Variants in SH3GL2 observed in about 807,000 individuals in gnomAD.
The protein encoded by SH3GL2 is endophilin-A1.
SH3GL2 carries 24 observed loss-of-function variants against 46.0 expected under a neutral mutation model. The observed-to-expected ratio is 0.52, with a 90% CI of 0.38 to 0.73. SH3GL2 has a LOEUF of 0.73. SH3GL2 is among the 30% of genes least tolerant of loss of function. The probability of loss-of-function intolerance (pLI) is 0.00; values close to 1 mark genes in which losing one functional copy is unlikely to be tolerated. For missense variants in SH3GL2, 413 were observed against 424.2 expected (o/e 0.97, Z 0.23); for synonymous variants, 196 against 147.1 (o/e 1.33, Z -2.40).
intron 1 of SH3GL2, among the ~76,000 whole-genome samples, chr9:17,661,870 C>G (rs966730312): frequency 1.2e-4 from 18 of 152,158 alleles, no homozygotes; most frequent in African/African-American, 4.3e-4. Context: ...GCCTCACTTT[C>G]ATTGAATGTA....
intron 1 of SH3GL2, among the ~76,000 whole-genome samples, chr9:17,665,526 C>T (rs1820321487): frequency 6.6e-6 from 1 of 151,992 alleles, no homozygotes; most frequent in Non-Finnish European, 1.5e-5. Context: ...TATTCATTAA[C>T]GTTTATTATG....
At chr9:17,667,846 C>G (rs969876274) in intron 1 of SH3GL2, among the ~76,000 whole-genome samples, 1 of 152,152 alleles carries the variant, frequency 6.6e-6, no homozygotes, top group African/African-American at 2.4e-5. Flanking sequence ...CTATAACCAT[C>G]TTATTGGGTG....
At chr9:17,716,148 C>G (rs954078115) in intron 1 of SH3GL2, among the ~76,000 whole-genome samples, 7 of 152,048 alleles carry the variant, frequency 4.6e-5, no homozygotes, top group African/African-American at 1.7e-4. Flanking sequence ...ATATCCTTGT[C>G]AAACAATTGT....
Position 17,762,122 on chromosome 9 carries a change from T to TAGCAA in SH3GL2, c.187+633_187+637dup, listed in dbSNP as rs375228746. Among the ~76,000 whole-genome samples the TAGCAA allele has an allele frequency of 2.4e-3, 368 of 152,226 alleles. 1 individual carries two copies. The South Asian group carries it at 0.029, about 12-fold the overall frequency. ...GGGCAGTTTCGGTAGGCACTAGGTA[T>TAGCAA]AGCAAAGCAAAGCAAAGCAAAGCAG... On this transcript the variant is annotated intron_variant, in intron 3 of 8. Coordinates refer to ENST00000380607, the MANE Select transcript of SH3GL2 (RefSeq NM_003026.5).
intron 6 of SH3GL2, chr9:17,790,465 G>T (rs558197678): frequency 2.1e-6 from 2 of 973,134 alleles, no homozygotes; most frequent in African/African-American, 3.5e-5. Flanking sequence ...CCTGGAGACA[G>T]TGTAGGTTTT....
intron 1 of SH3GL2, among the ~76,000 whole-genome samples, chr9:17,667,899 G>T (rs1408508716): frequency 6.6e-6 from 1 of 152,140 alleles, no homozygotes; most frequent in Non-Finnish European, 1.5e-5. Context: ...TTTCTCTTAA[G>T]ACTAAGGATG....
At chr9:17,672,423 C>G (rs1291856859) in intron 1 of SH3GL2, among the ~76,000 whole-genome samples, 1 of 152,092 alleles carries the variant, frequency 6.6e-6, no homozygotes, top group African/African-American at 2.4e-5. Flanking sequence ...TCATTAAGCT[C>G]AGGTTAGAGA....
intron 1 of SH3GL2, chr9:17,590,641 C>A (rs969940697): frequency 2.0e-5 from 3 of 152,172 alleles, no homozygotes. Context: ...TTATAGTGCT[C>A]ATCGTCCCTA....
chr9:17,652,033 A>G (rs574250539), intron 1 of SH3GL2, among the ~76,000 whole-genome samples: 3 of 152,116 alleles, frequency 2.0e-5, no homozygotes, highest in Non-Finnish European at 4.4e-5. Context: ...TGAGTGATGA[A>G]TTGATTGACT....
At chr9:17,755,886 C>T in intron 2 of SH3GL2, 1 of 422,526 alleles carries the variant, frequency 2.4e-6, no homozygotes, top group South Asian at 9.9e-5. Context: ...ATTTCCATGC[C>T]TTCTATTCTT....
chr9:17,703,673 C>A (rs368810138), intron 1 of SH3GL2, among the ~76,000 whole-genome samples: 2 of 151,982 alleles, frequency 1.3e-5, no homozygotes, highest in East Asian at 3.9e-4. Flanking sequence ...ATATGTGATT[C>A]GTCACATACA....
intron 3 of SH3GL2, among the ~76,000 whole-genome samples, chr9:17,775,773 A>G (rs1297053199): frequency 2.0e-5 from 3 of 152,170 alleles, no homozygotes; most frequent in Admixed American, 6.5e-5. Flanking sequence ...TGCTAAAGCC[A>G]TTAGGTTTCC....
At chr9:17,689,447 A>G (rs1821014217) in intron 1 of SH3GL2, among the ~76,000 whole-genome samples, 1 of 152,120 alleles carries the variant, frequency 6.6e-6, no homozygotes. Flanking sequence ...TGTAACAAAT[A>G]TGCCATATTA....
chr9:17,579,301 C>T lies in SH3GL2; in HGVS notation c.45+14C>T, dbSNP rs760269219. ...AAAGCCACTCAGGTAAGGCGCGCGG[C>T]AGGTGCGTCCCGGGGCAGTCCGGGG... is the stretch of plus-strand genomic sequence containing the variant. On this transcript the variant is annotated intron_variant, in intron 1 of 8. Transcript: ENST00000380607. 3 of 1,552,540 alleles carry T rather than the reference C, an allele frequency of 1.9e-6. No homozygotes were observed. In the African/African-American group the frequency reaches 4.3e-5, roughly 22 times the overall value.
At chr9:17,628,452 G>A (rs1325417781) in intron 1 of SH3GL2, among the ~76,000 whole-genome samples, 2 of 140,916 alleles carry the variant, frequency 1.4e-5, no homozygotes, top group Non-Finnish European at 3.1e-5. Context: ...GTGTGTGTGT[G>A]TATGTGCATG....
chr9:17,638,873 C>T (rs1224962662), intron 1 of SH3GL2, among the ~76,000 whole-genome samples: 1 of 152,170 alleles, frequency 6.6e-6, no homozygotes, highest in Admixed American at 6.5e-5. Context: ...CTCCATTTCC[C>T]TGGTTCTGGA....
intron 1 of SH3GL2, among the ~76,000 whole-genome samples, chr9:17,629,003 T>G (rs1563789181): frequency 6.6e-6 from 1 of 152,030 alleles, no homozygotes; most frequent in Non-Finnish European, 1.5e-5. Flanking sequence ...TGCTGATGCC[T>G]TCTGTCTGTC....
intron 1 of SH3GL2, among the ~76,000 whole-genome samples, chr9:17,613,187 G>A (rs574175395): frequency 2.0e-5 from 3 of 152,046 alleles, no homozygotes; most frequent in African/African-American, 4.8e-5. Context: ...CTGATGCCAC[G>A]TACTCTAGAA....
At chr9:17,744,247 C>A (rs751599945) in intron 1 of SH3GL2, among the ~76,000 whole-genome samples, 1 of 152,148 alleles carries the variant, frequency 6.6e-6, no homozygotes, top group Non-Finnish European at 1.5e-5. Context: ...GATAGGGAAT[C>A]AGTGTGACAG....
Sources: gnomAD v4.1 joint callset for allele counts (sites outside exome capture counted in the v4.1 genomes callset) on GRCh38, gnomAD v4.1.1 for gene constraint, MANE v1.5 for transcripts, NCBI Gene and HGNC (gene_info 2026-07-23, HGNC 2026-07-21) for gene names.